ZFPM2: variants seen among roughly 807,000 people sequenced by gnomAD.
The protein encoded by ZFPM2 is zinc finger protein ZFPM2.
A neutral mutation model predicts 98.6 loss-of-function variants in ZFPM2; 20 were observed. The observed-to-expected ratio is 0.20, with a 90% CI of 0.14 to 0.29. The LOEUF (loss-of-function observed/expected upper bound fraction) is 0.29, where lower values mean the gene tolerates loss of function less well. Among genes scored for constraint, ZFPM2 ranks in the 10% least tolerant of loss-of-function variants. The pLI is 1.00. For synonymous variants in ZFPM2, 518 were observed against 502.7 expected, an observed-to-expected ratio of 1.03 and a Z score of -0.41; for missense variants, 1,310 against 1,388.6, an observed-to-expected ratio of 0.94 and a Z score of 0.90.
intron 3 of ZFPM2, among the ~76,000 whole-genome samples, chr8:105,528,110 T>C (rs2130571882): frequency 6.6e-6 from 1 of 152,242 alleles, no homozygotes; most frequent in Non-Finnish European, 1.5e-5. Flanking sequence ...TAGAAATGGA[T>C]GCAGAGGGCT....
chr8:105,380,728 C>T (rs1267487926), intron 1 of ZFPM2, among the ~76,000 whole-genome samples: 1 of 30,264 alleles, frequency 3.3e-5, no homozygotes, highest in Non-Finnish European at 4.9e-5. Context: ...TTATATATAA[C>T]ATATATATTA....
intron 5 of ZFPM2, among the ~76,000 whole-genome samples, chr8:105,709,686 G>A (rs1440663361): frequency 1.3e-5 from 2 of 152,028 alleles, no homozygotes; most frequent in Admixed American, 6.6e-5. Flanking sequence ...AAGAACAGCA[G>A]AGTATTCTGA....
intron 1 of ZFPM2, among the ~76,000 whole-genome samples, chr8:105,322,579 C>T (rs1812048248): frequency 6.6e-6 from 1 of 151,728 alleles, no homozygotes; most frequent in Non-Finnish European, 1.5e-5. Flanking sequence ...TTCTTTATAC[C>T]ATAAAAGTAG....
chr8:105,432,859 G>A (rs1448203727), intron 2 of ZFPM2, among the ~76,000 whole-genome samples: 1 of 152,146 alleles, frequency 6.6e-6, no homozygotes, highest in Non-Finnish European at 1.5e-5. Flanking sequence ...CAGCACTTTG[G>A]GAGGCTGCAG....
chr8:105,414,109 C>T (rs1811632432), intron 1 of ZFPM2, among the ~76,000 whole-genome samples: 1 of 151,908 alleles, frequency 6.6e-6, no homozygotes, highest in African/African-American at 2.4e-5. Flanking sequence ...AATATTAATG[C>T]ATGAAGAGGA....
intron 4 of ZFPM2, among the ~76,000 whole-genome samples, chr8:105,567,328 G>T (rs1156597702): frequency 6.6e-6 from 1 of 152,140 alleles, no homozygotes; most frequent in African/African-American, 2.4e-5. Context: ...GGGAAAGCTG[G>T]AAGTGCTGGA....
At chr8:105,398,390 G>T (rs1430088212) in intron 1 of ZFPM2, among the ~76,000 whole-genome samples, 4 of 152,158 alleles carry the variant, frequency 2.6e-5, no homozygotes, top group Non-Finnish European at 5.9e-5. Flanking sequence ...GATTGTTTCT[G>T]ATATCTCCCT....
At chr8:105,506,497 C>T (rs1019466370) in intron 3 of ZFPM2, among the ~76,000 whole-genome samples, 1 of 152,050 alleles carries the variant, frequency 6.6e-6, no homozygotes, top group African/African-American at 2.4e-5. Flanking sequence ...CCCAGCTAAC[C>T]AACCTTGCTC....
At chr8:105,675,378 G>C (rs958405731) in intron 5 of ZFPM2, among the ~76,000 whole-genome samples, 6 of 152,172 alleles carry the variant, frequency 3.9e-5, no homozygotes, top group African/African-American at 9.7e-5. Context: ...GAAAGGGAAA[G>C]TTATTCAGAA....
intron 5 of ZFPM2, among the ~76,000 whole-genome samples, chr8:105,740,432 T>C (rs2131031992): frequency 7.4e-6 from 1 of 135,616 alleles, no homozygotes; most frequent in South Asian, 2.2e-4. Flanking sequence ...AACAAAATAG[T>C]GTAAAAATAG....
intron 7 of ZFPM2, among the ~76,000 whole-genome samples, 159 bp downstream of exon 7, chr8:105,799,107 A>G (rs1435457564): frequency 1.3e-5 from 2 of 152,220 alleles, no homozygotes; most frequent in Non-Finnish European, 2.9e-5. Flanking sequence ...TATGCCACTT[A>G]TACTCAGCAT....
intron 3 of ZFPM2, among the ~76,000 whole-genome samples, chr8:105,457,910 A>G (rs566476737): frequency 1.3e-5 from 2 of 152,306 alleles, no homozygotes; most frequent in South Asian, 4.1e-4. Flanking sequence ...AGATTTAGAC[A>G]CGAGGCTGCC....
intron 2 of ZFPM2, among the ~76,000 whole-genome samples, chr8:105,429,176 T>A (rs539309268): frequency 1.8e-4 from 28 of 152,322 alleles, no homozygotes; most frequent in African/African-American, 6.3e-4. Context: ...TGTTGCTATA[T>A]GATTAGCTCA....
At chr8:105,602,716 G>GT (rs141508275) in intron 4 of ZFPM2, among the ~76,000 whole-genome samples, 30,998 of 151,976 alleles carry the variant, frequency 0.2, 3,202 homozygotes, top group South Asian at 0.26. Context: ...ACTTGCTTCT[G>GT]TTATTCTGGC....
intron 5 of ZFPM2, among the ~76,000 whole-genome samples, chr8:105,786,078 A>G (rs1179019384): frequency 6.7e-6 from 1 of 150,136 alleles, no homozygotes; most frequent in Non-Finnish European, 1.5e-5. Context: ...AAATTAGCCA[A>G]GAGTGATGTT....
intron 1 of ZFPM2, among the ~76,000 whole-genome samples, chr8:105,356,938 C>T (rs562596627): frequency 6.6e-6 from 1 of 152,178 alleles, no homozygotes; most frequent in Non-Finnish European, 1.5e-5. Flanking sequence ...AACAGCATGT[C>T]ATTGCCATTG....
chr8:105,362,797 A>C (rs543948378), intron 1 of ZFPM2, among the ~76,000 whole-genome samples: 1 of 152,266 alleles, frequency 6.6e-6, no homozygotes, highest in Non-Finnish European at 1.5e-5. Flanking sequence ...GTTGCATGTT[A>C]CTGATTGATT....
At chr8:105,372,664 T>C (rs1810647892) in intron 1 of ZFPM2, among the ~76,000 whole-genome samples, 1 of 152,158 alleles carries the variant, frequency 6.6e-6, no homozygotes, top group South Asian at 2.1e-4. Context: ...TATATTAGTG[T>C]ATACTTAGTA....
At chr8:105,332,142 C>T (rs1055611624) in intron 1 of ZFPM2, among the ~76,000 whole-genome samples, 15 of 151,834 alleles carry the variant, frequency 9.9e-5, no homozygotes, top group African/African-American at 2.7e-4. Flanking sequence ...CCTAGATTTC[C>T]GTATGGCTGG....
Sources: allele counts gnomAD v4.1 joint callset (sites outside exome capture counted in the v4.1 genomes callset), GRCh38; gene constraint gnomAD v4.1.1; transcripts MANE v1.5; gene names NCBI Gene and HGNC (gene_info 2026-07-23, HGNC 2026-07-21).